The following KLHL1 variants were observed in gnomAD, a reference collection of about 807,000 sequenced individuals.
The protein encoded by KLHL1 is kelch-like protein 1.
A neutral mutation model predicts 77.7 loss-of-function variants in KLHL1; 47 were observed. The observed-to-expected ratio is 0.60, with a 90% CI of 0.48 to 0.77. The LOEUF is 0.77. Ranked by LOEUF, KLHL1 falls within the 30% of genes least tolerant of loss-of-function variation. The pLI, the probability that KLHL1 is intolerant of heterozygous loss-of-function variation, is 0.00. For synonymous variants in KLHL1, 360 were observed against 325.2 expected, an observed-to-expected ratio of 1.11 and a Z score of -1.15; for missense variants, 925 against 910.8, an observed-to-expected ratio of 1.02 and a Z score of -0.20.
chr13:70,105,420 T>C lies in KLHL1; in HGVS notation c.497+1783A>G, dbSNP rs554696447. Among the ~76,000 whole-genome samples the C allele has an allele frequency of 3.1e-4, 47 of 151,778 alleles. 1 individual carries two copies. Among genetic ancestry groups the C allele is most frequent in the Admixed American group, 1.2e-3 (19 of 15,274 alleles). On this transcript the variant is annotated intron_variant, in intron 1 of 10. Transcript: ENST00000377844. ...AATATGCCTTATTTTAAAATGTATT[T>C]GGTATAAAGTAAACTTTAAGAAAAT...
chr13:70,071,701 T>C (rs1887141406), intron 1 of KLHL1, among the ~76,000 whole-genome samples: 1 of 152,122 alleles, frequency 6.6e-6, no homozygotes, highest in African/African-American at 2.4e-5. Context: ...CTCCAAATAT[T>C]TGGAGTTATT....
chr13:69,926,481 A>G (rs1230459887), intron 4 of KLHL1, among the ~76,000 whole-genome samples: 2 of 152,200 alleles, frequency 1.3e-5, no homozygotes, highest in African/African-American at 4.8e-5. Flanking sequence ...TCTCATGTCC[A>G]TAGATCAGTA....
At chr13:69,787,479 C>CCCTT (rs1363053691) in intron 7 of KLHL1, among the ~76,000 whole-genome samples, 1 of 152,144 alleles carries the variant, frequency 6.6e-6, no homozygotes, top group Non-Finnish European at 1.5e-5. Flanking sequence ...GAAACTGGAT[C>CCCTT]CCTTCCTTAC....
At chr13:69,980,848 T>G (rs538348225) in intron 1 of KLHL1, among the ~76,000 whole-genome samples, 1 of 152,100 alleles carries the variant, frequency 6.6e-6, no homozygotes, top group Non-Finnish European at 1.5e-5. Context: ...TCAAACATTT[T>G]AGGAGTTCAA....
intron 4 of KLHL1, among the ~76,000 whole-genome samples, chr13:69,899,329 G>C (rs1881773096): frequency 6.6e-6 from 1 of 152,072 alleles, no homozygotes; most frequent in African/African-American, 2.4e-5. Flanking sequence ...AGTATACATG[G>C]GGATAAGAAT....
chr13:69,815,409 T>C (rs944616541), intron 6 of KLHL1, among the ~76,000 whole-genome samples: 2 of 152,200 alleles, frequency 1.3e-5, no homozygotes, highest in African/African-American at 2.4e-5. Flanking sequence ...TGCAGCAACA[T>C]TGATGCAGCT....
chr13:69,935,440 A>G (rs578221900), intron 4 of KLHL1, among the ~76,000 whole-genome samples: 61 of 152,290 alleles, frequency 4.0e-4, no homozygotes, highest in Non-Finnish European at 7.2e-4. Flanking sequence ...AATAACAAAA[A>G]CAAATATATA....
intron 1 of KLHL1, among the ~76,000 whole-genome samples, chr13:70,099,189 T>A: frequency 6.6e-6 from 1 of 152,014 alleles, no homozygotes; most frequent in East Asian, 1.9e-4. Flanking sequence ...TTTTGTAAAT[T>A]GCACTATACA....
chr13:69,744,785 T>G (rs1874138287), intron 7 of KLHL1, among the ~76,000 whole-genome samples: 1 of 151,980 alleles, frequency 6.6e-6, no homozygotes, highest in African/African-American at 2.4e-5. Context: ...TGTGACATTT[T>G]TAGTCAGAAA....
chr13:69,975,505 T>C (rs56168989), intron 2 of KLHL1, 115 bp downstream of exon 2: 19,990 of 384,842 alleles, frequency 0.052, 325 homozygotes, highest in Admixed American at 0.12. Context: ...AACAAAAAAC[T>C]TAAAAAAATG....
chr13:69,744,775 T>G (rs1017351596), intron 7 of KLHL1, among the ~76,000 whole-genome samples: 5 of 151,976 alleles, frequency 3.3e-5, no homozygotes, highest in African/African-American at 1.2e-4. Context: ...AGTTGTTATC[T>G]GTGACATTTT....
Position 69,712,040 on chromosome 13 carries a change from C to A in KLHL1, c.2016-4244G>T, listed in dbSNP as rs146580936. 6.8e-3 allele frequency among the ~76,000 whole-genome samples: 1,037 copies of A among 152,080 alleles called. 11 individuals carry two copies. Among genetic ancestry groups the A allele is most frequent in the African/African-American group, 0.024 (983 of 41,504 alleles). On this transcript the variant is annotated intron_variant, in intron 9 of 10. Transcript: ENST00000377844. Reference sequence around the variant, plus strand: ...TATCACCTCTTGAAGAGTTCTTGTTCAAATCTTCTGCCTAGTTTTTCTGTT... The same window carrying A: ...TATCACCTCTTGAAGAGTTCTTGTTAAAATCTTCTGCCTAGTTTTTCTGTT...
intron 2 of KLHL1, among the ~76,000 whole-genome samples, chr13:69,966,812 G>A (rs1884224912): frequency 6.6e-6 from 1 of 151,708 alleles, no homozygotes; most frequent in African/African-American, 2.4e-5. Flanking sequence ...AACTCTCTAT[G>A]TCCATATAAT....
intron 4 of KLHL1, among the ~76,000 whole-genome samples, chr13:69,926,600 A>G (rs971955056): frequency 5.9e-5 from 9 of 152,188 alleles, no homozygotes; most frequent in Admixed American, 4.6e-4. Flanking sequence ...GATAATACCA[A>G]TTTCATATGA....
rs113958420 is a variant in KLHL1, at chr13:69,955,085, T to G, written c.817+6223A>C. Reference sequence around the variant, plus strand: ...TAGAATTTTCCATCTAGTAAAAGCCTTAAGTTTAAAACTAATAATGTACTA... The same window carrying G: ...TAGAATTTTCCATCTAGTAAAAGCCGTAAGTTTAAAACTAATAATGTACTA... On this transcript the variant is annotated intron_variant, in intron 3 of 10. Coordinates refer to ENST00000377844, the MANE Select transcript of KLHL1 (RefSeq NM_020866.3). 4.9e-3 allele frequency among the ~76,000 whole-genome samples: 744 copies of G among 151,292 alleles called. 3 individuals are homozygous for G. The highest frequency in any genetic ancestry group is 8.5e-3 in the Non-Finnish European group (574 of 67,366).
intron 1 of KLHL1, among the ~76,000 whole-genome samples, chr13:70,074,464 T>A (rs1887213161): frequency 6.6e-6 from 1 of 152,008 alleles, no homozygotes; most frequent in Non-Finnish European, 1.5e-5. Flanking sequence ...ATCTACCTCA[T>A]CTCACTCATA....
chr13:69,779,064 C>G (rs1593820649), intron 7 of KLHL1, among the ~76,000 whole-genome samples: 1 of 152,224 alleles, frequency 6.6e-6, no homozygotes, highest in East Asian at 1.9e-4. Context: ...TCCCAAAGTG[C>G]TGGGATTACA....
In KLHL1 at chr13:69,830,748, T is replaced by C. The variant is rs1052973139; in HGVS notation, c.1414+8228A>G. ...AGAAAACTGAAATTATATCAAGTAC[T>C]CTCTCAGACCACAGTGGAATAAAAT... is the stretch of plus-strand genomic sequence containing the variant. On this transcript the variant is annotated intron_variant, in intron 6 of 10. Coordinates refer to ENST00000377844, the MANE Select transcript of KLHL1 (RefSeq NM_020866.3). 2.1e-4 allele frequency among the ~76,000 whole-genome samples: 31 copies of C among 150,064 alleles called. 3 individuals carry two copies. Among genetic ancestry groups the C allele is most frequent in the African/African-American group, 7.2e-4 (29 of 40,046 alleles).
At position 70,020,812 on chromosome 13, in the gene KLHL1, C is replaced by CCT. The variant is rs375946197; in HGVS notation, c.498-45011_498-45010insAG. Reference sequence around the variant, plus strand: ...AGATATATATGTATATGCATACATACACATACACATATATATTCATTTTTG... The same window carrying CCT: ...AGATATATATGTATATGCATACATACCTACATACACATATATATTCATTTTTG... On this transcript the variant is annotated intron_variant, in intron 1 of 10. Transcript: ENST00000377844. Among the ~76,000 whole-genome samples the CCT allele has an allele frequency of 1.2e-3, 67 of 58,064 alleles. No homozygotes were observed. In the East Asian group the frequency reaches 0.034, roughly 29 times the overall value. 38.1% of individuals were successfully genotyped at this position (58,064 alleles called of 152,430 possible).
Sources: gnomAD v4.1 joint callset for allele counts (sites outside exome capture counted in the v4.1 genomes callset) on GRCh38, gnomAD v4.1.1 for gene constraint, MANE v1.5 for transcripts, NCBI Gene and HGNC (gene_info 2026-07-23, HGNC 2026-07-21) for gene names.